DENND1A: variants seen among roughly 807,000 people sequenced by gnomAD.
The protein encoded by DENND1A is DENN domain containing 1A.
DENND1A carries 51 observed loss-of-function variants against 113.7 expected under a neutral mutation model. The ratio of observed to expected loss-of-function variants is 0.45; its 90% confidence interval spans 0.36 to 0.57. The LOEUF is 0.57. Ranked by LOEUF, DENND1A falls within the 20% of genes least tolerant of loss-of-function variation. DENND1A has a pLI of 0.00. For synonymous variants in DENND1A, 565 were observed against 570.8 expected, an observed-to-expected ratio of 0.99 and a Z score of 0.14; for missense variants, 1,258 against 1,395.9, an observed-to-expected ratio of 0.90 and a Z score of 1.57.
intron 19 of DENND1A, among the ~76,000 whole-genome samples, chr9:123,425,610 G>A (rs1371288093): frequency 1.1e-5 from 1 of 88,450 alleles, no homozygotes; most frequent in African/African-American, 4.6e-5. Context: ...TTCACCACTT[G>A]GTCATTCCCC....
intron 1 of DENND1A, among the ~76,000 whole-genome samples, chr9:123,911,786 G>A (rs1034942565): frequency 6.6e-6 from 1 of 151,918 alleles, no homozygotes; most frequent in African/African-American, 2.4e-5. Flanking sequence ...CGCCTCCTGG[G>A]TTCACGCCAT....
At chr9:123,426,773 C>T (rs926183481) in intron 19 of DENND1A, among the ~76,000 whole-genome samples, 8 of 152,188 alleles carry the variant, frequency 5.3e-5, no homozygotes, top group Admixed American at 2.0e-4. Flanking sequence ...ATGTCCATTG[C>T]AACTGGCTGT....
intron 13 of DENND1A, among the ~76,000 whole-genome samples, chr9:123,537,446 A>T (rs2055869939): frequency 6.6e-6 from 1 of 151,994 alleles, no homozygotes; most frequent in African/African-American, 2.4e-5. Flanking sequence ...AAATATTGAA[A>T]ATAGGCAAAG....
chr9:123,645,758 C>T (rs1488170773), intron 9 of DENND1A, among the ~76,000 whole-genome samples: 1 of 152,180 alleles, frequency 6.6e-6, no homozygotes, highest in Non-Finnish European at 1.5e-5. Context: ...AAAAAGTAGT[C>T]AAGGCTTATC....
chr9:123,850,131 G>A (rs139461348), intron 2 of DENND1A, among the ~76,000 whole-genome samples: 292 of 152,296 alleles, frequency 1.9e-3, no homozygotes, highest in African/African-American at 6.9e-3. Flanking sequence ...AGAGGTTTCC[G>A]ATTCTAAAAG....
chr9:123,746,872 T>C (rs1027696871), intron 5 of DENND1A, among the ~76,000 whole-genome samples: 1 of 152,162 alleles, frequency 6.6e-6, no homozygotes, highest in Non-Finnish European at 1.5e-5. Context: ...ATTTTTCATA[T>C]ACTAATAAAA....
chr9:123,821,470 ACC>A (rs1838458260), intron 2 of DENND1A, among the ~76,000 whole-genome samples: 1 of 152,252 alleles, frequency 6.6e-6, no homozygotes, highest in Non-Finnish European at 1.5e-5. Flanking sequence ...GCTAACAGAA[ACC>A]AGTTGTAAGA....
intron 3 of DENND1A, among the ~76,000 whole-genome samples, chr9:123,769,904 A>G (rs1829453734): frequency 6.6e-6 from 1 of 152,116 alleles, no homozygotes; most frequent in Admixed American, 6.5e-5. Flanking sequence ...CAGAGTGAAT[A>G]ACACCGAGCC....
chr9:123,782,875 C>CT (rs1331955857), intron 3 of DENND1A, among the ~76,000 whole-genome samples: 26 of 151,856 alleles, frequency 1.7e-4, no homozygotes, highest in African/African-American at 6.1e-4. Flanking sequence ...GCTCCCCCCG[C>CT]TCACATACAC....
chr9:123,457,826 C>T lies in DENND1A; in HGVS notation c.1065G>A (p.Leu355=). The T allele has an allele frequency of 6.8e-6, 11 of 1,612,530 alleles. No individual in the cohort carries two copies. Among genetic ancestry groups the T allele is most frequent in the Non-Finnish European group, 9.3e-6 (11 of 1,179,398 alleles). The change falls in exon 14 of 24, where the codon CTG becomes CTA. Residue 355 remains leucine, a synonymous_variant. Transcript: ENST00000394215. ...AGAGCTGCAGCTGTGTGGCGTTCTGCAGGAACTGCCTCATGGCTCCGGAGC... is the reference window on the plus strand; with the variant it reads ...AGAGCTGCAGCTGTGTGGCGTTCTGTAGGAACTGCCTCATGGCTCCGGAGC... The part of the protein sequence containing the change: ...HYRSGAMRQF[L]QNATQLQLFK...
chr9:123,607,900 T>C (rs2060244905), intron 11 of DENND1A, among the ~76,000 whole-genome samples: 1 of 152,078 alleles, frequency 6.6e-6, no homozygotes, highest in African/African-American at 2.4e-5. Context: ...GGGAGGGAAC[T>C]GTGGACTCCG....
chr9:123,453,157 C>G (rs1010613174), intron 16 of DENND1A, among the ~76,000 whole-genome samples: 1 of 152,148 alleles, frequency 6.6e-6, no homozygotes, highest in African/African-American at 2.4e-5. Context: ...AGACACCAGG[C>G]CAAGGGAGGC....
In DENND1A at chr9:123,860,046, A is replaced by T. The variant is rs536514193; in HGVS notation, c.88+18905T>A. Among the ~76,000 whole-genome samples, 38 of 152,320 alleles carry T rather than the reference A, an allele frequency of 2.5e-4. No individual in the cohort carries two copies. In the South Asian group the frequency reaches 7.5e-3, roughly 30 times the overall value. The stretch of plus-strand genomic sequence containing the variant: ...TAAATATGGATGTGAAGGAAAGCAT[A>T]AAGGCCAGTTAGGAGGCCATGGTAA... On this transcript the variant is annotated intron_variant, in intron 2 of 23. Transcript: ENST00000394215.
intron 13 of DENND1A, chr9:123,492,952 T>C (rs1359233956): frequency 6.6e-6 from 1 of 152,244 alleles, no homozygotes; most frequent in African/African-American, 2.4e-5. Flanking sequence ...CAGGGGCTTC[T>C]GTGCTTACCC....
intron 13 of DENND1A, among the ~76,000 whole-genome samples, chr9:123,482,260 G>A (rs1221787592): frequency 1.3e-5 from 2 of 152,026 alleles, no homozygotes; most frequent in Admixed American, 6.6e-5. Context: ...ACCATGAATG[G>A]CTAACTTTTG....
intron 18 of DENND1A, among the ~76,000 whole-genome samples, chr9:123,445,423 GGGAGT>G (rs2047231024): frequency 6.6e-6 from 1 of 152,260 alleles, no homozygotes; most frequent in Non-Finnish European, 1.5e-5. Flanking sequence ...TTTTAACCAA[GGGAGT>G]GACTTGGTCA....
At chr9:123,796,756 T>TACACACACACACACACACACAC (rs370185315) in intron 2 of DENND1A, among the ~76,000 whole-genome samples, 12 of 141,598 alleles carry the variant, frequency 8.5e-5, no homozygotes, top group African/African-American at 3.1e-4. Context: ...TATGTGTACA[T>TACACACACACACACACACACAC]ACACACACAC....
intron 8 of DENND1A, among the ~76,000 whole-genome samples, chr9:123,656,493 A>G (rs897261659): frequency 6.6e-6 from 1 of 152,208 alleles, no homozygotes; most frequent in Non-Finnish European, 1.5e-5. Flanking sequence ...GGATATCCAT[A>G]AAGTAGAATC....
chr9:123,586,460 T>C (rs983970255), intron 11 of DENND1A, among the ~76,000 whole-genome samples: 2 of 152,116 alleles, frequency 1.3e-5, no homozygotes, highest in Non-Finnish European at 2.9e-5. Context: ...GGCTGAAGAA[T>C]AGGAAAAAAC....
Sources: gnomAD v4.1 joint callset for allele counts (sites outside exome capture counted in the v4.1 genomes callset) on GRCh38, gnomAD v4.1.1 for gene constraint, MANE v1.5 for transcripts, NCBI Gene and HGNC (gene_info 2026-07-23, HGNC 2026-07-21) for gene names.